PCSK2: variants seen among roughly 807,000 people sequenced by gnomAD.
The protein encoded by PCSK2 is neuroendocrine convertase 2.
Under a neutral mutation model 69.7 loss-of-function variants are expected in PCSK2, and 14 were observed. The ratio of observed to expected loss-of-function variants is 0.20; its 90% CI spans 0.13 to 0.31. PCSK2 has a LOEUF of 0.31. PCSK2 is among the 10% of genes least tolerant of loss of function. The probability of loss-of-function intolerance (pLI) is 1.00; values close to 1 mark genes in which losing one functional copy is unlikely to be tolerated. For missense variants in PCSK2, 544 were observed against 842.5 expected, an observed-to-expected ratio of 0.65 and a Z score of 4.39; for synonymous variants, 307 against 320.7, an observed-to-expected ratio of 0.96 and a Z score of 0.46.
chr20:17,317,408 C>CTCAT (rs1249213255), intron 2 of PCSK2, among the ~76,000 whole-genome samples: 17 of 152,222 alleles, frequency 1.1e-4, no homozygotes, highest in Admixed American at 6.5e-5. Flanking sequence ...ACCCAGTTGA[C>CTCAT]CCATCTTTTC....
intron 1 of PCSK2, among the ~76,000 whole-genome samples, chr20:17,256,444 A>G (rs1036419349): frequency 3.9e-5 from 6 of 151,922 alleles, no homozygotes; most frequent in Non-Finnish European, 1.5e-5. Flanking sequence ...TGTGTGGAGC[A>G]TATGTTCTTA....
intron 5 of PCSK2, among the ~76,000 whole-genome samples, chr20:17,378,600 G>A (rs1440808925): frequency 3.5e-5 from 4 of 112,812 alleles, no homozygotes; most frequent in Non-Finnish European, 2.2e-5. Context: ...CGGATGGATG[G>A]ATGGATGGAT....
intron 2 of PCSK2, among the ~76,000 whole-genome samples, chr20:17,347,464 C>T (rs1251793554): frequency 1.3e-5 from 2 of 152,140 alleles, no homozygotes; most frequent in African/African-American, 4.8e-5. Flanking sequence ...CACATCACTT[C>T]CATCAATCGC....
intron 10 of PCSK2, among the ~76,000 whole-genome samples, chr20:17,459,282 T>C (rs2032974244): frequency 6.6e-6 from 1 of 152,230 alleles, no homozygotes; most frequent in Admixed American, 6.5e-5. Context: ...TATGTAGTTA[T>C]AGGTCGTTCA....
At chr20:17,232,839 G>A (rs371187956) in intron 1 of PCSK2, among the ~76,000 whole-genome samples, 25 of 152,322 alleles carry the variant, frequency 1.6e-4, no homozygotes, top group East Asian at 9.6e-4. Flanking sequence ...TTCCCTGAAA[G>A]ATTTCAATCT....
At chr20:17,312,267 T>A (rs1008310949) in intron 2 of PCSK2, among the ~76,000 whole-genome samples, 6 of 152,256 alleles carry the variant, frequency 3.9e-5, no homozygotes, top group Middle Eastern at 3.4e-3. Flanking sequence ...GTGACATCCA[T>A]CTCAGAGTCA....
chr20:17,347,956 GAAAGAGAAAGAA>G (rs201030178), intron 2 of PCSK2, among the ~76,000 whole-genome samples: 21,104 of 77,138 alleles, frequency 0.27, 4,335 homozygotes, highest in East Asian at 0.56. Flanking sequence ...AAGAAAGAAA[GAAAGAGAAAGAA>G]AGAAAGAAAG....
chr20:17,375,057 T>G (rs80057226), intron 5 of PCSK2, among the ~76,000 whole-genome samples: 3,978 of 152,222 alleles, frequency 0.026, 169 homozygotes, highest in African/African-American at 0.09. Context: ...ATGGGCAAAA[T>G]GGATGTCTTG....
chr20:17,309,686 C>T (rs894187675), intron 2 of PCSK2, among the ~76,000 whole-genome samples: 4 of 152,032 alleles, frequency 2.6e-5, no homozygotes, highest in Non-Finnish European at 4.4e-5. Context: ...GGCCTGGTGG[C>T]AGGTGCCTGT....
intron 2 of PCSK2, among the ~76,000 whole-genome samples, chr20:17,298,914 G>A (rs1308012195): frequency 1.3e-5 from 2 of 151,990 alleles, no homozygotes; most frequent in African/African-American, 2.4e-5. Context: ...TTAATCGCCT[G>A]TCCTTATCTT....
intron 2 of PCSK2, among the ~76,000 whole-genome samples, chr20:17,326,479 T>C (rs562926454): frequency 3.9e-5 from 6 of 152,328 alleles, no homozygotes; most frequent in African/African-American, 1.2e-4. Context: ...ACATATGGGC[T>C]TTAATAATAA....
chr20:17,342,507 T>C (rs2208201), intron 2 of PCSK2, among the ~76,000 whole-genome samples: 144,435 of 152,174 alleles, frequency 0.95, 68,661 homozygotes, highest in African/African-American at 0.99. Context: ...TTTGCAGAGA[T>C]GGGGTTTCAC....
At chr20:17,357,003 T>C (rs992640070) in intron 2 of PCSK2, among the ~76,000 whole-genome samples, 2 of 152,132 alleles carry the variant, frequency 1.3e-5, no homozygotes, top group African/African-American at 4.8e-5. Flanking sequence ...TGGGGAGATT[T>C]GGGAAGAGGA....
At chr20:17,237,085 AGG>A (rs1784823723) in intron 1 of PCSK2, among the ~76,000 whole-genome samples, 1 of 152,172 alleles carries the variant, frequency 6.6e-6, no homozygotes, top group Non-Finnish European at 1.5e-5. Context: ...CATTCAGATT[AGG>A]GTTGAGAGGT....
rs1402005887 is a variant in PCSK2 at position 17,453,717 on chromosome 20, G to T, written c.886-25G>T. ...CTCGCAGCCCAGGCTGTGGGTAGCG[G>T]CAGCGTCTCCCCTGCTCTCCCCAGG... On this transcript the variant is annotated intron_variant, in intron 8 of 11. Transcript: ENST00000262545. This position sits in a 1 kb window ranked among gnomAD's most constrained non-coding sequence, Gnocchi z 4.0. 1 of 1,609,144 alleles carries T rather than the reference G, an allele frequency of 6.2e-7. No homozygotes were observed.
intron 2 of PCSK2, among the ~76,000 whole-genome samples, chr20:17,267,515 G>A (rs1987665536): frequency 6.6e-6 from 1 of 152,212 alleles, no homozygotes; most frequent in Non-Finnish European, 1.5e-5. Flanking sequence ...GGGCATTGCA[G>A]ATATGCCTGG....
intron 5 of PCSK2, among the ~76,000 whole-genome samples, chr20:17,391,616 G>T (rs1356626817): frequency 6.6e-6 from 1 of 152,180 alleles, no homozygotes; most frequent in Non-Finnish European, 1.5e-5. Context: ...ACCTGGGCTA[G>T]TGCTGGGAAA....
intron 4 of PCSK2, among the ~76,000 whole-genome samples, chr20:17,368,256 C>A (rs1182190696): frequency 6.6e-6 from 1 of 152,120 alleles, no homozygotes; most frequent in Non-Finnish European, 1.5e-5. Context: ...AATGCACCAG[C>A]TGCTGGGCCA....
chr20:17,471,295 C>T (rs893826672), intron 11 of PCSK2, among the ~76,000 whole-genome samples: 8 of 152,104 alleles, frequency 5.3e-5, no homozygotes, highest in African/African-American at 9.7e-5. Context: ...ATCTGAGGTC[C>T]GGAGATGTGA....
Sources: gnomAD v4.1 joint callset for allele counts (sites outside exome capture counted in the v4.1 genomes callset) on GRCh38, gnomAD v4.1.1 for gene constraint, Gnocchi (gnomAD v3.1) non-coding constraint, MANE v1.5 for transcripts, NCBI Gene and HGNC (gene_info 2026-07-23, HGNC 2026-07-21) for gene names.